Variants in MTUS2 observed in about 807,000 individuals in gnomAD.
MTUS2 encodes the protein microtubule-associated tumor suppressor candidate 2.
MTUS2 carries 40 observed loss-of-function variants against 114.1 expected under a neutral mutation model. The observed-to-expected ratio is 0.35, with a 90% CI of 0.27 to 0.46. The LOEUF is 0.46. Among genes scored for constraint, MTUS2 ranks in the 20% least tolerant of loss-of-function variants. The pLI is 1.00. For synonymous variants in MTUS2, 688 were observed against 672.0 expected, an observed-to-expected ratio of 1.02 and a Z score of -0.37; for missense variants, 1,679 against 1,705.4, an observed-to-expected ratio of 0.98 and a Z score of 0.27.
At chr13:29,187,023 A>G (rs987957953) in intron 5 of MTUS2, among the ~76,000 whole-genome samples, 1 of 152,202 alleles carries the variant, frequency 6.6e-6, no homozygotes, top group Non-Finnish European at 1.5e-5. Flanking sequence ...GGGTCAAAGA[A>G]GAAATCACAA....
At position 29,034,059 on chromosome 13, in the gene MTUS2, G is replaced by A. The variant is rs1207573779; in HGVS notation, c.2380G>A (p.Ala794Thr). The part of the protein sequence containing the change: ...RILIASQRSS[A>T]SAIHPPGPIT... The stretch of plus-strand genomic sequence containing the variant: ...TCTGATTGCAAGTCAGAGGTCTTCA[G>A]CGAGCGCCATCCACCCACCAGGACC... The change falls in exon 4 of 16, where the codon GCG becomes ACG. Residue 794 changes from alanine to threonine, a missense_variant. Physicochemically the swap from Ala to Thr is moderately conservative, Grantham distance 58 (BLOSUM62 0). Transcript: ENST00000612955. The A allele has an allele frequency of 6.2e-6, 10 of 1,613,846 alleles. No individual in the cohort carries two copies. Among genetic ancestry groups the A allele is most frequent in the Non-Finnish European group, 8.5e-6 (10 of 1,179,892 alleles).
At chr13:29,048,935 T>G (rs1056556404) in intron 4 of MTUS2, among the ~76,000 whole-genome samples, 3 of 152,168 alleles carry the variant, frequency 2.0e-5, no homozygotes, top group Non-Finnish European at 4.4e-5. Context: ...TTCTTGAGCT[T>G]TTCTCTGGAG....
intron 1 of MTUS2, among the ~76,000 whole-genome samples, chr13:28,829,929 A>C (rs1054533538): frequency 6.6e-6 from 1 of 152,192 alleles, no homozygotes; most frequent in Non-Finnish European, 1.5e-5. Flanking sequence ...CAGACTAACA[A>C]TGAGGCTTTG....
intron 5 of MTUS2, among the ~76,000 whole-genome samples, chr13:29,110,160 A>G (rs1927840): frequency 0.67 from 101,275 of 152,198 alleles, 34,362 homozygotes; most frequent in Non-Finnish European, 0.74. Context: ...TAAATGAAAC[A>G]TACTTATGCG....
chr13:29,350,870 C>G (rs1305695123), intron 7 of MTUS2, among the ~76,000 whole-genome samples: 1 of 151,322 alleles, frequency 6.6e-6, no homozygotes, highest in Non-Finnish European at 1.5e-5. Flanking sequence ...TAATCCCATT[C>G]ATGAGGGCCC....
At chr13:28,877,148 A>G (rs1403517983) in intron 2 of MTUS2, among the ~76,000 whole-genome samples, 2 of 150,004 alleles carry the variant, frequency 1.3e-5, no homozygotes, top group Non-Finnish European at 3.0e-5. Context: ...AAAAAAAACA[A>G]CAAAAAAATA....
intron 6 of MTUS2, among the ~76,000 whole-genome samples, chr13:29,303,376 T>C (rs552200000): frequency 1.3e-5 from 2 of 152,284 alleles, no homozygotes; most frequent in South Asian, 4.2e-4. Flanking sequence ...GAGCATGTTG[T>C]AACCCAATGC....
chr13:29,214,832 T>C (rs555524479), intron 5 of MTUS2, among the ~76,000 whole-genome samples: 1 of 152,330 alleles, frequency 6.6e-6, no homozygotes, highest in South Asian at 2.1e-4. Context: ...CTGATGATTA[T>C]GTGTCTTGGG....
intron 8 of MTUS2, among the ~76,000 whole-genome samples, chr13:29,421,977 T>C (rs987984103): frequency 2.0e-5 from 3 of 152,224 alleles, no homozygotes; most frequent in African/African-American, 7.2e-5. Context: ...TATGTCAGTT[T>C]TTAGGTTGTT....
chr13:29,455,221 A>G (rs1245508868), intron 9 of MTUS2, among the ~76,000 whole-genome samples: 1 of 152,216 alleles, frequency 6.6e-6, no homozygotes, highest in African/African-American at 2.4e-5. Flanking sequence ...GGAGAGCCCC[A>G]GGGATTACAT....
At chr13:28,860,764 A>T (rs948100638) in intron 2 of MTUS2, among the ~76,000 whole-genome samples, 1 of 151,478 alleles carries the variant, frequency 6.6e-6, no homozygotes, top group South Asian at 2.1e-4. Flanking sequence ...ATATATGTCA[A>T]CTCTCCTCCT....
At chr13:29,482,743 C>T (rs761448005) in intron 10 of MTUS2, among the ~76,000 whole-genome samples, 13 of 152,218 alleles carry the variant, frequency 8.5e-5, no homozygotes, top group South Asian at 2.1e-4. Context: ...ATCTTATCCT[C>T]ACAGCTGGAA....
intron 5 of MTUS2, among the ~76,000 whole-genome samples, chr13:29,221,401 C>CT (rs945517195): frequency 1.3e-5 from 2 of 152,166 alleles, no homozygotes; most frequent in African/African-American, 4.8e-5. Context: ...TATTCCCAGA[C>CT]TTTTTTTGTG....
At chr13:29,216,136 G>A (rs1895670945) in intron 5 of MTUS2, among the ~76,000 whole-genome samples, 1 of 152,198 alleles carries the variant, frequency 6.6e-6, no homozygotes, top group South Asian at 2.1e-4. Flanking sequence ...ACTGCCGTGG[G>A]TTCCACCCAG....
At chr13:28,826,371 TGA>T (rs1226220046) in intron 1 of MTUS2, among the ~76,000 whole-genome samples, 5 of 152,222 alleles carry the variant, frequency 3.3e-5, no homozygotes, top group Non-Finnish European at 2.9e-5. Flanking sequence ...GTTTATCTGT[TGA>T]GAGATTTTAA....
chr13:29,243,004 TA>T (rs1896785422), intron 5 of MTUS2, among the ~76,000 whole-genome samples: 1 of 152,154 alleles, frequency 6.6e-6, no homozygotes, highest in Non-Finnish European at 1.5e-5. Flanking sequence ...AAAATAATAA[TA>T]GTTCTTAAAA....
In MTUS2 at chr13:28,900,296, C is replaced by CTG. The variant is rs759551772; in HGVS notation, c.-243+60460_-243+60461dup. On this transcript the variant is annotated intron_variant, in intron 2 of 15. Coordinates refer to ENST00000612955, the MANE Select transcript of MTUS2 (RefSeq NM_001033602.4). Reference sequence around the variant, plus strand: ...ATTCTCCCACCAGTTTTACCTGTAGCTGTGTGTGTGTGTGTATGTGTGTGT... The same window carrying CTG: ...ATTCTCCCACCAGTTTTACCTGTAGCTGTGTGTGTGTGTGTGTATGTGTGTGT... Among the ~76,000 whole-genome samples the CTG allele has an allele frequency of 8.1e-4, 123 of 151,424 alleles. 1 individual carries two copies. The highest frequency in any genetic ancestry group is 2.4e-3 in the African/African-American group (100 of 41,410).
At chr13:29,303,196 G>T (rs527694860) in intron 6 of MTUS2, among the ~76,000 whole-genome samples, 2 of 152,326 alleles carry the variant, frequency 1.3e-5, no homozygotes, top group Admixed American at 6.5e-5. Context: ...ACAAAGATGA[G>T]AAAGAATCAA....
intron 5 of MTUS2, among the ~76,000 whole-genome samples, chr13:29,141,283 G>T (rs1172047720): frequency 6.6e-6 from 1 of 152,158 alleles, no homozygotes; most frequent in African/African-American, 2.4e-5. Context: ...CACGATCAGG[G>T]TAAATAGAGG....
Sources: allele counts gnomAD v4.1 joint callset (sites outside exome capture counted in the v4.1 genomes callset), GRCh38; gene constraint gnomAD v4.1.1; transcripts MANE v1.5; gene names NCBI Gene and HGNC (gene_info 2026-07-23, HGNC 2026-07-21).